The following MAGI1 variants were observed in gnomAD, a reference collection of about 807,000 sequenced individuals.
MAGI1 encodes the protein membrane-associated guanylate kinase, WW and PDZ domain-containing protein 1.
MAGI1 carries 58 observed loss-of-function variants against 139.9 expected under a neutral mutation model. The ratio of observed to expected loss-of-function variants is 0.41; its 90% CI spans 0.34 to 0.52. MAGI1 has a LOEUF of 0.52. MAGI1 is among the 20% of genes least tolerant of loss of function. The pLI, the probability that MAGI1 is intolerant of heterozygous loss-of-function variation, is 0.12. For missense variants in MAGI1, 1,874 were observed against 1,901.6 expected, an observed-to-expected ratio of 0.99 and a Z score of 0.27; for synonymous variants, 812 against 737.9, an observed-to-expected ratio of 1.10 and a Z score of -1.63.
chr3:65,724,711 T>G (rs1357370282), intron 1 of MAGI1, among the ~76,000 whole-genome samples: 1 of 152,186 alleles, frequency 6.6e-6, no homozygotes, highest in African/African-American at 2.4e-5. Context: ...AAGCAAGACT[T>G]GGGAGGCCTC....
At chr3:65,606,049 G>A (rs543323868) in intron 2 of MAGI1, among the ~76,000 whole-genome samples, 3 of 152,064 alleles carry the variant, frequency 2.0e-5, no homozygotes, top group Non-Finnish European at 2.9e-5. Flanking sequence ...ACATATTTTT[G>A]CAGTTTGAGC....
At chr3:65,516,864 A>C (rs1456412892) in intron 2 of MAGI1, among the ~76,000 whole-genome samples, 3 of 145,498 alleles carry the variant, frequency 2.1e-5, no homozygotes, top group Admixed American at 6.9e-5. Context: ...AGTAGCTGGG[A>C]CTACAGGCGC....
At chr3:65,404,646 A>G (rs561525404) in intron 12 of MAGI1, among the ~76,000 whole-genome samples, 1 of 152,362 alleles carries the variant, frequency 6.6e-6, no homozygotes, top group Admixed American at 6.5e-5. Flanking sequence ...TGAATGCTGG[A>G]AAAACCTTAC....
rs573327856 is a variant in MAGI1 at position 65,791,860 on chromosome 3, G to A, written c.314-169772C>T. On this transcript the variant is annotated intron_variant, in intron 1 of 22. Coordinates refer to ENST00000402939, the MANE Select transcript of MAGI1 (RefSeq NM_001033057.2). ...AGGCTTTTTCAAAAGGACAGTCTGA[G>A]CTGGGACCACAGGCAATGCAATTGC... Among the ~76,000 whole-genome samples, 4 of 152,242 alleles carry A rather than the reference G, an allele frequency of 2.6e-5. No individual in the cohort carries two copies. In the East Asian group the frequency reaches 5.8e-4, roughly 22 times the overall value.
At chr3:65,683,527 T>A (rs1008131849) in intron 1 of MAGI1, among the ~76,000 whole-genome samples, 3 of 151,082 alleles carry the variant, frequency 2.0e-5, no homozygotes, top group African/African-American at 7.3e-5. Flanking sequence ...AGAAAATACA[T>A]GCAAATCACA....
At chr3:65,794,311 A>G (rs1430613293) in intron 1 of MAGI1, among the ~76,000 whole-genome samples, 2 of 152,218 alleles carry the variant, frequency 1.3e-5, no homozygotes, top group African/African-American at 2.4e-5. Flanking sequence ...CCTAGAATAC[A>G]TAAGGAACTC....
intron 1 of MAGI1, among the ~76,000 whole-genome samples, chr3:65,818,837 G>A (rs1191730962): frequency 1.3e-5 from 2 of 152,136 alleles, no homozygotes; most frequent in Non-Finnish European, 2.9e-5. Context: ...CAGGAAGCCA[G>A]AATGCAGAAG....
At chr3:65,439,771 G>A (rs1470321261) in intron 9 of MAGI1, 108 bp downstream of exon 9, 3 of 1,571,986 alleles carry the variant, frequency 1.9e-6, no homozygotes, top group African/African-American at 1.3e-5. Flanking sequence ...AGTGTGGCAA[G>A]AGAGGACTCA....
In MAGI1 at chr3:65,499,970, A is replaced by T. The variant is rs544833625; in HGVS notation, c.431-6339T>A. ...TGAATGAAATCATTATTTAAGAAAT[A>T]TTTTAAGACCTGATTCTTGGATATT... On this transcript the variant is annotated intron_variant, in intron 2 of 22. Coordinates refer to ENST00000402939, the MANE Select transcript of MAGI1 (RefSeq NM_001033057.2). 3.3e-5 allele frequency among the ~76,000 whole-genome samples: 5 copies of T among 152,308 alleles called. No individual in the cohort carries two copies. In the South Asian group the frequency reaches 1.0e-3, roughly 32 times the overall value.
At chr3:66,030,528 A>G (rs1179253010) in intron 1 of MAGI1, among the ~76,000 whole-genome samples, 1 of 152,196 alleles carries the variant, frequency 6.6e-6, no homozygotes, top group Non-Finnish European at 1.5e-5. Flanking sequence ...TCTACATACT[A>G]TGGAGTAAAA....
intron 1 of MAGI1, among the ~76,000 whole-genome samples, chr3:65,760,751 T>A (rs1009658206): frequency 6.6e-6 from 1 of 152,096 alleles, no homozygotes; most frequent in Admixed American, 6.6e-5. Context: ...AAAGCCTCTG[T>A]CCCTAGCTAC....
intron 1 of MAGI1, among the ~76,000 whole-genome samples, chr3:65,759,271 A>G (rs2036821375): frequency 6.6e-6 from 1 of 152,216 alleles, no homozygotes; most frequent in East Asian, 1.9e-4. Context: ...AATTGTAACC[A>G]TCTCATCCAA....
Position 65,703,285 on chromosome 3 carries a change from G to A in MAGI1, c.314-81197C>T, listed in dbSNP as rs568838784. 6.6e-5 allele frequency among the ~76,000 whole-genome samples: 10 copies of A among 152,320 alleles called. No individual in the cohort carries two copies. In the East Asian group the frequency reaches 1.2e-3, roughly 18 times the overall value. On this transcript the variant is annotated intron_variant, in intron 1 of 22. Coordinates refer to ENST00000402939, the MANE Select transcript of MAGI1 (RefSeq NM_001033057.2). ...AACACCACAAGGGCATCTGCTGGAC[G>A]CAGGAGTAGGGTGTAAGTGAGGACC... is the stretch of plus-strand genomic sequence containing the variant.
At chr3:65,834,924 T>C (rs139540350) in intron 1 of MAGI1, among the ~76,000 whole-genome samples, 239 of 152,344 alleles carry the variant, frequency 1.6e-3, no homozygotes, top group African/African-American at 5.5e-3. Flanking sequence ...GATTGGTGTT[T>C]GCATTACACA....
chr3:65,382,302 G>A (rs565520015), intron 15 of MAGI1, among the ~76,000 whole-genome samples: 1 of 152,228 alleles, frequency 6.6e-6, no homozygotes, highest in South Asian at 2.1e-4. Context: ...GCCTATTGAT[G>A]ACTCACTCTC....
At chr3:65,754,549 T>C (rs941259848) in intron 1 of MAGI1, among the ~76,000 whole-genome samples, 7 of 152,218 alleles carry the variant, frequency 4.6e-5, no homozygotes, top group Admixed American at 2.0e-4. Flanking sequence ...CTTTCTGATG[T>C]TGAGCCTGCC....
chr3:65,387,053 T>C, intron 14 of MAGI1: 1 of 1,173,500 alleles, frequency 8.5e-7, no homozygotes, highest in Non-Finnish European at 1.3e-6. Flanking sequence ...CCCTCTCTTT[T>C]CTGAACTTCT....
intron 12 of MAGI1, among the ~76,000 whole-genome samples, chr3:65,422,823 C>G (rs937974316): frequency 6.6e-6 from 1 of 152,042 alleles, no homozygotes; most frequent in Non-Finnish European, 1.5e-5. Flanking sequence ...CCTGTGGCTA[C>G]CTGGGAGAAG....
intron 1 of MAGI1, among the ~76,000 whole-genome samples, chr3:65,968,866 T>C (rs1385270713): frequency 1.3e-5 from 2 of 152,194 alleles, no homozygotes; most frequent in Middle Eastern, 3.2e-3. Flanking sequence ...TGAAATTTAG[T>C]CATAACATCC....
Sources: gnomAD v4.1 joint callset for allele counts (sites outside exome capture counted in the v4.1 genomes callset) on GRCh38, gnomAD v4.1.1 for gene constraint, MANE v1.5 for transcripts, NCBI Gene and HGNC (gene_info 2026-07-23, HGNC 2026-07-21) for gene names.